DAPK1: variants seen among roughly 807,000 people sequenced by gnomAD.
DAPK1 encodes the protein death-associated protein kinase 1.
Under a neutral mutation model 144.9 loss-of-function variants are expected in DAPK1, and 56 were observed. That is an observed-to-expected ratio of 0.39 (90% confidence interval 0.31 to 0.48). The LOEUF is 0.48. Ranked by LOEUF, DAPK1 falls within the 20% of genes least tolerant of loss-of-function variation. The probability of loss-of-function intolerance (pLI) is 0.95; values close to 1 mark genes in which losing one functional copy is unlikely to be tolerated. For missense variants in DAPK1, 1,454 were observed against 1,875.4 expected (o/e 0.78, Z 4.15); for synonymous variants, 690 against 749.0 (o/e 0.92, Z 1.29).
chr9:87,620,879 A>C (rs11141915), intron 3 of DAPK1, among the ~76,000 whole-genome samples: 37,731 of 151,992 alleles, frequency 0.25, 4,957 homozygotes, highest in South Asian at 0.37. Context: ...AGATGCCTGG[A>C]GGCCCCTGCT....
At chr9:87,646,154 T>A in intron 12 of DAPK1, 140 bp downstream of exon 12, 1 of 1,061,620 alleles carries the variant, frequency 9.4e-7, no homozygotes. Context: ...CACTTCTGTT[T>A]AGAAAGTGAT....
At chr9:87,691,140 T>G (rs1478322078) in intron 21 of DAPK1, among the ~76,000 whole-genome samples, 1 of 152,032 alleles carries the variant, frequency 6.6e-6, no homozygotes, top group African/African-American at 2.4e-5. Context: ...CTTCTCTTTT[T>G]GGGGAGGCTT....
rs1045165351 is a variant in DAPK1 at position 87,552,206 on chromosome 9, A to T, written c.63-52748A>T. Among the ~76,000 whole-genome samples, 10 of 152,224 alleles carry T rather than the reference A, an allele frequency of 6.6e-5. No homozygotes were observed. The South Asian group carries it at 1.9e-3, about 28-fold the overall frequency. On this transcript the variant is annotated intron_variant, in intron 2 of 25. Transcript: ENST00000408954. ...CAAGGCCAGCAAGTAGGGAGGGGAT[A>T]CTGCTTGGCAGGAAGTCCTCAGGAG...
At chr9:87,703,238 G>A (rs1187219742) in intron 25 of DAPK1, 21 bp downstream of exon 25, 2 of 1,510,906 alleles carry the variant, frequency 1.3e-6, no homozygotes, top group African/African-American at 1.4e-5. Context: ...GGGAGCCCAG[G>A]CAGGGGGCCG....
chr9:87,646,372 G>A, intron 12 of DAPK1, 89 bp from the exon 13 acceptor site: 1 of 937,148 alleles, frequency 1.1e-6, no homozygotes, highest in South Asian at 1.4e-5. Flanking sequence ...TTGAGACAGG[G>A]GAAGGTGTGT....
rs1826377156 is a variant in DAPK1 at position 87,549,130 on chromosome 9, C to T, written c.62+49991C>T. The stretch of plus-strand genomic sequence containing the variant: ...CACAGGCTTCAGTGTGTGTTGTTTC[C>T]CTCCCTGTGTCCGTGTGTTCTCATC... On this transcript the variant is annotated intron_variant, in intron 2 of 25. Transcript: ENST00000408954. Among the ~76,000 whole-genome samples, 6 of 151,992 alleles carry T rather than the reference C, an allele frequency of 3.9e-5. No homozygotes were observed. The South Asian group carries it at 1.3e-3, about 32-fold the overall frequency.
chr9:87,595,256 G>A (rs536903525), intron 2 of DAPK1, among the ~76,000 whole-genome samples: 1 of 152,272 alleles, frequency 6.6e-6, no homozygotes, highest in South Asian at 2.1e-4. Flanking sequence ...CGTGGAAAGG[G>A]CCAGTTAGCT....
At chr9:87,552,077 C>A (rs566336202) in intron 2 of DAPK1, among the ~76,000 whole-genome samples, 1 of 152,220 alleles carries the variant, frequency 6.6e-6, no homozygotes, top group East Asian at 1.9e-4. Context: ...GCTCACCTTT[C>A]AGGCTGCTGG....
chr9:87,540,126 T>G (rs537022841), intron 2 of DAPK1, among the ~76,000 whole-genome samples: 1 of 152,142 alleles, frequency 6.6e-6, no homozygotes, highest in Non-Finnish European at 1.5e-5. Flanking sequence ...CACATGACTT[T>G]TATTACAGTA....
Position 87,647,410 on chromosome 9 carries a change from C to G in DAPK1, c.1329+7C>G. The G allele has an allele frequency of 1.9e-6, 3 of 1,611,558 alleles. No individual in the cohort carries two copies. Among genetic ancestry groups the G allele is most frequent in the Non-Finnish European group, 2.5e-6 (3 of 1,177,708 alleles). ...TTTGGATGTGAAAGACAAGGTAAGGCCACTTCTCTTAGGAGGAACATGAGG... is the reference window on the plus strand; with the variant it reads ...TTTGGATGTGAAAGACAAGGTAAGGGCACTTCTCTTAGGAGGAACATGAGG... On this transcript the variant is annotated splice_region_variant and intron_variant, in intron 14 of 25. Coordinates refer to ENST00000408954, the MANE Select transcript of DAPK1 (RefSeq NM_004938.4).
intron 11 of DAPK1, among the ~76,000 whole-genome samples, chr9:87,645,041 G>A (rs973337003): frequency 1.3e-5 from 2 of 152,136 alleles, no homozygotes; most frequent in Admixed American, 1.3e-4. Context: ...AAAGCAGATG[G>A]AGAGAAATGC....
At chr9:87,666,666 G>T (rs931105555) in intron 18 of DAPK1, among the ~76,000 whole-genome samples, 1 of 151,924 alleles carries the variant, frequency 6.6e-6, no homozygotes, top group Non-Finnish European at 1.5e-5. Flanking sequence ...TAAAGACGGG[G>T]TTTCACCATG....
chr9:87,652,393 C>T (rs1390653598), intron 17 of DAPK1, among the ~76,000 whole-genome samples: 1 of 66,494 alleles, frequency 1.5e-5, no homozygotes, highest in Non-Finnish European at 3.1e-5. Context: ...GATTCTGTGT[C>T]CTCCCACCTG....
At position 87,662,560 on chromosome 9, in the gene DAPK1, GTTTTTTT is replaced by G. The variant is rs71507734; in HGVS notation, c.1923+4452_1923+4458del. On this transcript the variant is annotated intron_variant, in intron 18 of 25. Coordinates refer to ENST00000408954, the MANE Select transcript of DAPK1 (RefSeq NM_004938.4). ...ACCTCCTTGGTTAAATATATTCCTA[GTTTTTTT>G]TTTTTTTTTTTTTTTTTTGGTAGCT... 4.8e-3 allele frequency among the ~76,000 whole-genome samples: 153 copies of G among 32,152 alleles called. 3 individuals are homozygous for G. Among genetic ancestry groups the G allele is most frequent in the African/African-American group, 0.018 (118 of 6,562 alleles). The allele number at this position is 32,152 out of a possible 152,430, so 21.1% of individuals were successfully genotyped here. A position where few individuals can be genotyped will look rare whatever the true frequency, so the allele number is the denominator to read the frequency against.
At chr9:87,661,455 T>C (rs544521370) in intron 18 of DAPK1, among the ~76,000 whole-genome samples, 3 of 152,206 alleles carry the variant, frequency 2.0e-5, no homozygotes, top group Non-Finnish European at 4.4e-5. Flanking sequence ...TGTATAAAAG[T>C]TCCCCTTTCT....
intron 18 of DAPK1, among the ~76,000 whole-genome samples, chr9:87,666,774 G>A (rs1186704076): frequency 1.3e-5 from 2 of 152,134 alleles, no homozygotes; most frequent in African/African-American, 4.8e-5. Flanking sequence ...ATGCCTGGCT[G>A]TGAGGAAGTA....
chr9:87,694,917 C>A (rs558441155), intron 21 of DAPK1, among the ~76,000 whole-genome samples: 1 of 152,196 alleles, frequency 6.6e-6, no homozygotes, highest in Non-Finnish European at 1.5e-5. Flanking sequence ...TGGAGCAATA[C>A]TGTCATGCAG....
At chr9:87,512,882 G>A (rs1251691669) in intron 2 of DAPK1, among the ~76,000 whole-genome samples, 1 of 151,914 alleles carries the variant, frequency 6.6e-6, no homozygotes, top group African/African-American at 2.4e-5. Context: ...CTCAGAGGCT[G>A]GTGATCCACC....
At chr9:87,666,558 C>T (rs1205221087) in intron 18 of DAPK1, among the ~76,000 whole-genome samples, 2 of 151,150 alleles carry the variant, frequency 1.3e-5, no homozygotes, top group African/African-American at 2.4e-5. Flanking sequence ...ACTGCAACCT[C>T]TGCCTCCCAG....
Sources: gnomAD v4.1 joint callset for allele counts (sites outside exome capture counted in the v4.1 genomes callset) on GRCh38, gnomAD v4.1.1 for gene constraint, MANE v1.5 for transcripts, NCBI Gene and HGNC (gene_info 2026-07-23, HGNC 2026-07-21) for gene names.